PDE10A: variants seen among roughly 807,000 people sequenced by gnomAD.
PDE10A encodes the protein cAMP and cAMP-inhibited cGMP 3',5'-cyclic phosphodiesterase 10A.
PDE10A carries 39 observed loss-of-function variants against 97.7 expected under a neutral mutation model. The observed-to-expected ratio is 0.40, with a 90% CI of 0.31 to 0.52. PDE10A has a LOEUF of 0.52. Ranked by LOEUF, PDE10A falls within the 20% of genes least tolerant of loss-of-function variation. The pLI, the probability that PDE10A is intolerant of heterozygous loss-of-function variation, is 0.56. For missense variants in PDE10A, 731 were observed against 1,047.8 expected (o/e 0.70, Z 4.17); for synonymous variants, 371 against 376.8 (o/e 0.98, Z 0.18).
intron 18 of PDE10A, 84 bp downstream of exon 18, chr6:165,379,110 C>A: frequency 1.1e-6 from 1 of 905,736 alleles, no homozygotes. Context: ...CAAATATAAG[C>A]TTACGCCACA....
intron 1 of PDE10A, among the ~76,000 whole-genome samples, chr6:165,854,356 C>G (rs1184419580): frequency 3.3e-5 from 5 of 152,120 alleles, no homozygotes; most frequent in African/African-American, 1.2e-4. Context: ...CAGGTGGTCC[C>G]TGGGGAACGG....
intron 1 of PDE10A, among the ~76,000 whole-genome samples, chr6:165,806,648 C>T (rs1262885701): frequency 8.2e-6 from 1 of 121,864 alleles, no homozygotes; most frequent in Non-Finnish European, 1.8e-5. Flanking sequence ...CTCTGCTGAG[C>T]GCCCCCCCCC....
intron 1 of PDE10A, among the ~76,000 whole-genome samples, chr6:165,822,170 G>A (rs928210292): frequency 3.3e-5 from 5 of 152,166 alleles, no homozygotes; most frequent in East Asian, 1.9e-4. Context: ...ATCCTTGTGC[G>A]AACATAACAG....
intron 1 of PDE10A, among the ~76,000 whole-genome samples, chr6:165,719,450 C>G (rs369712739): frequency 6.6e-6 from 1 of 152,192 alleles, no homozygotes; most frequent in Non-Finnish European, 1.5e-5. Context: ...AACAAAATGA[C>G]AAGAATTCAA....
chr6:165,712,434 C>T (rs1217218508), intron 1 of PDE10A, among the ~76,000 whole-genome samples: 2 of 152,128 alleles, frequency 1.3e-5, no homozygotes, highest in East Asian at 3.9e-4. Context: ...AGGCAGGTTA[C>T]AGGAACAGGG....
chr6:165,649,692 C>T (rs1364773070), intron 1 of PDE10A, among the ~76,000 whole-genome samples: 2 of 152,170 alleles, frequency 1.3e-5, no homozygotes, highest in Admixed American at 1.3e-4. Context: ...AACAGAATAA[C>T]TTGTAATAAA....
intron 1 of PDE10A, among the ~76,000 whole-genome samples, chr6:165,683,932 C>A (rs542226577): frequency 3.9e-5 from 6 of 152,296 alleles, no homozygotes; most frequent in African/African-American, 1.4e-4. Context: ...CACCTCCTGG[C>A]TATTCCTCAG....
At chr6:165,632,511 T>G (rs946421184) in intron 1 of PDE10A, among the ~76,000 whole-genome samples, 3 of 152,226 alleles carry the variant, frequency 2.0e-5, no homozygotes, top group African/African-American at 7.2e-5. Context: ...ATGCACTGTT[T>G]TGAGCATGAG....
chr6:165,447,280 C>A (rs1466184684), intron 5 of PDE10A, among the ~76,000 whole-genome samples: 3 of 152,162 alleles, frequency 2.0e-5, no homozygotes, highest in Non-Finnish European at 4.4e-5. Flanking sequence ...CAGGAGAGAC[C>A]AGCCTGTAGA....
chr6:165,797,432 T>G (rs1778860155), intron 1 of PDE10A, among the ~76,000 whole-genome samples: 1 of 152,212 alleles, frequency 6.6e-6, no homozygotes, highest in African/African-American at 2.4e-5. Context: ...AATAAAAAGC[T>G]TTCCCTTATT....
At chr6:165,767,802 G>C (rs111480322) in intron 1 of PDE10A, among the ~76,000 whole-genome samples, 1 of 152,280 alleles carries the variant, frequency 6.6e-6, no homozygotes, top group African/African-American at 2.4e-5. Context: ...TAGTGGAATT[G>C]CTGGGTCATT....
chr6:165,973,005 C>G (rs1469310452), intron 1 of PDE10A, among the ~76,000 whole-genome samples: 1 of 152,060 alleles, frequency 6.6e-6, no homozygotes. Context: ...CTCCCCTTCT[C>G]TTCCATTCCA....
At chr6:165,896,688 C>A (rs1193511244) in intron 1 of PDE10A, among the ~76,000 whole-genome samples, 2 of 152,066 alleles carry the variant, frequency 1.3e-5, no homozygotes, top group Non-Finnish European at 2.9e-5. Context: ...CCATGCCCTG[C>A]TAATTTTTTG....
intron 1 of PDE10A, among the ~76,000 whole-genome samples, chr6:165,656,954 A>G (rs777090749): frequency 5.3e-5 from 8 of 152,232 alleles, no homozygotes; most frequent in Non-Finnish European, 1.0e-4. Context: ...AGGCTCATAC[A>G]AAGGAAGCTT....
At chr6:165,471,569 C>T (rs912446740) in intron 3 of PDE10A, among the ~76,000 whole-genome samples, 1 of 152,142 alleles carries the variant, frequency 6.6e-6, no homozygotes, top group Admixed American at 6.5e-5. Flanking sequence ...TGAACACACA[C>T]CCTGACCTGT....
intron 1 of PDE10A, among the ~76,000 whole-genome samples, chr6:165,731,260 A>G (rs1221446573): frequency 6.6e-6 from 1 of 152,220 alleles, no homozygotes; most frequent in African/African-American, 2.4e-5. Flanking sequence ...CTCATGAGTC[A>G]AAACACACTG....
At chr6:165,720,062 A>G (rs1792127577) in intron 1 of PDE10A, among the ~76,000 whole-genome samples, 1 of 152,244 alleles carries the variant, frequency 6.6e-6, no homozygotes, top group African/African-American at 2.4e-5. Context: ...GACAACGTCT[A>G]AAGAAACAAA....
chr6:165,731,068 A>C (rs1792422729), intron 1 of PDE10A, among the ~76,000 whole-genome samples: 1 of 152,194 alleles, frequency 6.6e-6, no homozygotes, highest in African/African-American at 2.4e-5. Flanking sequence ...ACAATTAAAA[A>C]AATGTCAATT....
chr6:165,807,526 G>C (rs1214805377), intron 1 of PDE10A, among the ~76,000 whole-genome samples: 1 of 152,192 alleles, frequency 6.6e-6, no homozygotes, highest in Non-Finnish European at 1.5e-5. Flanking sequence ...AGGGAAGGTT[G>C]AGAGCCTGGG....
Sources: gnomAD v4.1 joint callset for allele counts (sites outside exome capture counted in the v4.1 genomes callset) on GRCh38, gnomAD v4.1.1 for gene constraint, MANE v1.5 for transcripts, NCBI Gene and HGNC (gene_info 2026-07-23, HGNC 2026-07-21) for gene names.